SYT14: variants seen among roughly 807,000 people sequenced by gnomAD.
The protein encoded by SYT14 is synaptotagmin 14.
In SYT14, 32 loss-of-function variants were observed where a neutral mutation model predicts 74.2. That is an observed-to-expected ratio of 0.43 (90% CI 0.33 to 0.58). The LOEUF (loss-of-function observed/expected upper bound fraction) is 0.58, where lower values mean the gene tolerates loss of function less well. SYT14 is among the 20% of genes least tolerant of loss of function. The pLI, the probability that SYT14 is intolerant of heterozygous loss-of-function variation, is 0.05. For synonymous variants in SYT14, 298 were observed against 337.7 expected, an observed-to-expected ratio of 0.88 and a Z score of 1.29; for missense variants, 791 against 981.8, an observed-to-expected ratio of 0.81 and a Z score of 2.60.
chr1:209,999,367 T>C (rs2079852486), intron 2 of SYT14, among the ~76,000 whole-genome samples: 1 of 152,008 alleles, frequency 6.6e-6, no homozygotes. Flanking sequence ...AAAGTAAAAA[T>C]AGAACTACCA....
At position 210,059,443 on chromosome 1, in the gene SYT14, T is replaced by TAGAG. The variant is rs1356440193; in HGVS notation, c.1313-34878_1313-34877insGAGA. ...ACAAGAAAGAATATATATATATATA[T>TAGAG]ATATATATAGAGAGAGAGAGAGAGA... On this transcript the variant is annotated intron_variant, in intron 5 of 9. Coordinates refer to ENST00000637265, the Ensembl canonical transcript of SYT14. Among the ~76,000 whole-genome samples, 505 of 96,126 alleles carry TAGAG rather than the reference T, an allele frequency of 5.3e-3. 3 individuals carry two copies. The highest frequency in any genetic ancestry group is 5.7e-3 in the Non-Finnish European group (286 of 49,990). The allele number at this position is 96,126 out of a possible 152,430, so 63.1% of individuals were successfully genotyped here.
intron 1 of SYT14, 63 bp from the exon 2 acceptor site, chr1:209,952,646 T>C: frequency 7.1e-7 from 1 of 1,404,648 alleles, no homozygotes; most frequent in Non-Finnish European, 1.0e-6. Context: ...AAATGATTCT[T>C]TGTAACAGTC....
chr1:210,155,984 C>A, intron 8 of SYT14, 74 bp downstream of exon 7: 1 of 1,317,232 alleles, frequency 7.6e-7, no homozygotes, highest in Non-Finnish European at 1.1e-6. Context: ...GGAGTTCAAT[C>A]CTATCATTTA....
rs1232403032 is a variant in SYT14, at chr1:209,989,802, T to C, written c.-485-23831T>C. ...TATATTTAGTAAATACTTCAGTGCT[T>C]TGCCTAGTGTGTATATATGAAATTT... is the stretch of plus-strand genomic sequence containing the variant. On this transcript the variant is annotated intron_variant, in intron 2 of 9. Coordinates refer to ENST00000637265, the Ensembl canonical transcript of SYT14. Among the ~76,000 whole-genome samples, 6 of 152,238 alleles carry C rather than the reference T, an allele frequency of 3.9e-5. No homozygotes were observed. The East Asian group carries it at 1.2e-3, about 29-fold the overall frequency.
intron 7 of SYT14, among the ~76,000 whole-genome samples, chr1:210,142,535 A>T (rs772377793): frequency 3.5e-4 from 53 of 152,162 alleles, no homozygotes; most frequent in Non-Finnish European, 4.6e-4. Flanking sequence ...AGTCTAGTTT[A>T]CCAGTGTCTG....
exon 10 of SYT14, chr1:210,161,227 C>T (rs1287926470): frequency 2.8e-6 from 2 of 708,264 alleles, no homozygotes; most frequent in Non-Finnish European, 5.1e-6. Flanking sequence ...ATATGTGTAT[C>T]TAGTAGAGCT....
chr1:210,059,451 T>TATATATATAGAGAGAGAGAGAG (rs377050610), intron 5 of SYT14, among the ~76,000 whole-genome samples: 14 of 69,898 alleles, frequency 2.0e-4, no homozygotes, highest in African/African-American at 3.1e-4. Flanking sequence ...TATATATATA[T>TATATATATAGAGAGAGAGAGAG]AGAGAGAGAG....
At chr1:210,036,466 T>G (rs2080664371) in intron 5 of SYT14, among the ~76,000 whole-genome samples, 1 of 152,126 alleles carries the variant, frequency 6.6e-6, no homozygotes, top group Non-Finnish European at 1.5e-5. Context: ...TTCCCAGTAC[T>G]GTGTTGAATA....
chr1:210,055,804 C>T (rs1324779813), intron 5 of SYT14, among the ~76,000 whole-genome samples: 1 of 151,708 alleles, frequency 6.6e-6, no homozygotes. Context: ...GATTGTCTCC[C>T]ATATAAAAAG....
intron 5 of SYT14, among the ~76,000 whole-genome samples, chr1:210,065,267 A>T (rs2081276121): frequency 6.6e-6 from 1 of 152,006 alleles, no homozygotes; most frequent in African/African-American, 2.4e-5. Context: ...CCCACATGTC[A>T]TGGGAGGAAC....
At chr1:210,115,173 T>C (rs2082334642) in intron 7 of SYT14, among the ~76,000 whole-genome samples, 1 of 151,312 alleles carries the variant, frequency 6.6e-6, no homozygotes, top group South Asian at 2.1e-4. Flanking sequence ...TGTATTGGGG[T>C]TAAGCAGCAT....
exon 10 of SYT14, chr1:210,169,057 C>T (rs2083488681): frequency 1.3e-5 from 2 of 152,016 alleles, no homozygotes; most frequent in South Asian, 2.1e-4. Context: ...CTAGCTTGCA[C>T]ATTCTTTTTA....
intron 2 of SYT14, among the ~76,000 whole-genome samples, chr1:209,961,393 T>C (rs917670744): frequency 1.3e-5 from 2 of 152,148 alleles, no homozygotes; most frequent in African/African-American, 4.8e-5. Context: ...GTAACTTTTC[T>C]TTTTTCTAGT....
intron 1 of SYT14, among the ~76,000 whole-genome samples, chr1:209,940,405 T>C (rs1370822675): frequency 6.6e-6 from 1 of 151,936 alleles, no homozygotes; most frequent in Non-Finnish European, 1.5e-5. Flanking sequence ...ACAATGTTCA[T>C]TGCTAGATTC....
intron 2 of SYT14, among the ~76,000 whole-genome samples, chr1:209,970,124 C>A (rs2079223762): frequency 6.6e-6 from 1 of 152,108 alleles, no homozygotes. Context: ...GGGTCTCAGT[C>A]ATGAATTCTT....
intron 4 of SYT14, among the ~76,000 whole-genome samples, chr1:210,020,329 C>T (rs2102949141): frequency 6.6e-6 from 1 of 152,230 alleles, no homozygotes; most frequent in African/African-American, 2.4e-5. Flanking sequence ...AAATACAGTG[C>T]AGTGAATTGT....
At chr1:210,065,195 G>A (rs143988063) in intron 5 of SYT14, among the ~76,000 whole-genome samples, 128 of 152,138 alleles carry the variant, frequency 8.4e-4, no homozygotes, top group African/African-American at 2.8e-3. Flanking sequence ...GCACAAAAGT[G>A]CTTGCTATGG....
chr1:209,980,187 A>G (rs1184970133), intron 2 of SYT14, among the ~76,000 whole-genome samples: 1 of 151,984 alleles, frequency 6.6e-6, no homozygotes, highest in African/African-American at 2.4e-5. Flanking sequence ...TGTGGTTTTG[A>G]TTTACATTTC....
chr1:209,958,863 A>G (rs1470601399), intron 2 of SYT14, among the ~76,000 whole-genome samples: 5 of 152,210 alleles, frequency 3.3e-5, no homozygotes, highest in African/African-American at 1.2e-4. Flanking sequence ...AGGATACTCT[A>G]TAATCCTCTT....
Sources: gnomAD v4.1 joint callset for allele counts (sites outside exome capture counted in the v4.1 genomes callset) on GRCh38, gnomAD v4.1.1 for gene constraint, MANE v1.5 for transcripts, NCBI Gene and HGNC (gene_info 2026-07-23, HGNC 2026-07-21) for gene names.